KLHL1: variants seen among roughly 807,000 people sequenced by gnomAD.
KLHL1 encodes the protein kelch-like protein 1.
In KLHL1, 47 loss-of-function variants were observed where a neutral mutation model predicts 77.7. The observed-to-expected ratio is 0.60, with a 90% CI of 0.48 to 0.77. KLHL1 has a LOEUF of 0.77. KLHL1 is among the 30% of genes least tolerant of loss of function. The pLI is 0.00. For missense variants in KLHL1, 925 were observed against 910.8 expected (o/e 1.02, Z -0.20); for synonymous variants, 360 against 325.2 (o/e 1.11, Z -1.15).
At chr13:69,711,755 T>G (rs1231902997) in intron 9 of KLHL1, among the ~76,000 whole-genome samples, 1 of 152,106 alleles carries the variant, frequency 6.6e-6, no homozygotes, top group Non-Finnish European at 1.5e-5. Context: ...GAGTGTATAC[T>G]TTGAAGTGTG....
chr13:69,828,703 A>C lies in KLHL1; in HGVS notation c.1414+10273T>G, dbSNP rs1174607599. Among the ~76,000 whole-genome samples the C allele has an allele frequency of 8.0e-5, 12 of 150,176 alleles. 1 individual carries two copies. The highest frequency in any genetic ancestry group is 6.6e-4 in the Admixed American group (10 of 15,056). ...TATCAGCTGCCTGGATATAAACTCC[A>C]GGCTGATGCTGGGACAAGGTGGGAA... On this transcript the variant is annotated intron_variant, in intron 6 of 10. Coordinates refer to ENST00000377844, the MANE Select transcript of KLHL1 (RefSeq NM_020866.3).
chr13:69,729,877 C>A (rs1873463993), intron 8 of KLHL1, among the ~76,000 whole-genome samples: 1 of 152,072 alleles, frequency 6.6e-6, no homozygotes, highest in African/African-American at 2.4e-5. Context: ...GAATTAAAAA[C>A]TTCAAAGAGT....
chr13:70,007,926 A>G (rs1885443346), intron 1 of KLHL1, among the ~76,000 whole-genome samples: 1 of 151,992 alleles, frequency 6.6e-6, no homozygotes, highest in Admixed American at 6.6e-5. Context: ...TCTGGTGTTG[A>G]TCAAAAGCAG....
At chr13:69,730,911 T>C (rs139837998) in intron 8 of KLHL1, among the ~76,000 whole-genome samples, 1 of 152,228 alleles carries the variant, frequency 6.6e-6, no homozygotes, top group East Asian at 1.9e-4. Flanking sequence ...TATTGTAAGT[T>C]TTACTATCCA....
At chr13:69,802,516 A>G (rs1877429027) in intron 6 of KLHL1, among the ~76,000 whole-genome samples, 1 of 152,066 alleles carries the variant, frequency 6.6e-6, no homozygotes, top group Non-Finnish European at 1.5e-5. Flanking sequence ...AATGCAATCC[A>G]CAAGCAGACA....
At position 69,726,758 on chromosome 13, in the gene KLHL1, C is replaced by A. The variant is rs182652704; in HGVS notation, c.1803-7177G>T. Among the ~76,000 whole-genome samples the A allele has an allele frequency of 8.5e-5, 13 of 152,244 alleles. No individual in the cohort carries two copies. The East Asian group carries it at 2.5e-3, about 29-fold the overall frequency. ...ACTGTCAGTTCAACCTTAATCCCTC[C>A]GTGTTTCCTCTGCTCCAACTCTACG... On this transcript the variant is annotated intron_variant, in intron 8 of 10. Coordinates refer to ENST00000377844, the MANE Select transcript of KLHL1 (RefSeq NM_020866.3).
chr13:69,851,026 T>C (rs1266584930), intron 5 of KLHL1, among the ~76,000 whole-genome samples: 5 of 151,794 alleles, frequency 3.3e-5, no homozygotes, highest in Non-Finnish European at 7.4e-5. Flanking sequence ...ATCTTCAACA[T>C]GTTCTGTAAT....
intron 7 of KLHL1, among the ~76,000 whole-genome samples, chr13:69,788,866 CT>C (rs1876706405): frequency 1.3e-5 from 2 of 151,966 alleles, no homozygotes; most frequent in South Asian, 4.2e-4. Context: ...TACAGGGGAC[CT>C]TTTTCTGATT....
intron 5 of KLHL1, among the ~76,000 whole-genome samples, chr13:69,858,133 CA>C (rs1433442562): frequency 6.6e-6 from 1 of 152,060 alleles, no homozygotes; most frequent in East Asian, 1.9e-4. Context: ...CAGCATCTAC[CA>C]CAGGGGACAC....
At chr13:69,945,086 A>T (rs557203953) in intron 3 of KLHL1, among the ~76,000 whole-genome samples, 1 of 146,942 alleles carries the variant, frequency 6.8e-6, no homozygotes, top group African/African-American at 2.5e-5. Context: ...CCCGGGTTCA[A>T]GTGATTCTCC....
intron 1 of KLHL1, among the ~76,000 whole-genome samples, chr13:70,019,044 T>A (rs1226111551): frequency 1.3e-5 from 2 of 152,218 alleles, no homozygotes; most frequent in Admixed American, 6.5e-5. Flanking sequence ...TCATTTAATG[T>A]CAATTATTTC....
intron 5 of KLHL1, among the ~76,000 whole-genome samples, chr13:69,845,707 T>C (rs1040611390): frequency 1.3e-5 from 2 of 151,518 alleles, no homozygotes; most frequent in African/African-American, 4.8e-5. Flanking sequence ...AAAATGATGA[T>C]AAAATTTAAT....
At chr13:69,771,150 T>A (rs1378323533) in intron 7 of KLHL1, among the ~76,000 whole-genome samples, 1 of 152,126 alleles carries the variant, frequency 6.6e-6, no homozygotes, top group African/African-American at 2.4e-5. Context: ...CTTTTCCAAC[T>A]AATCACTGCT....
chr13:69,879,164 C>A (rs2138190571), intron 5 of KLHL1, among the ~76,000 whole-genome samples: 1 of 152,164 alleles, frequency 6.6e-6, no homozygotes. Flanking sequence ...TGTAACAAAC[C>A]TGCACGTTGT....
chr13:69,954,800 T>TACACACACACACAC (rs34668618), intron 3 of KLHL1, among the ~76,000 whole-genome samples: 13 of 149,466 alleles, frequency 8.7e-5, no homozygotes, highest in African/African-American at 2.4e-4. Context: ...CTAAATGTTT[T>TACACACACACACAC]ACACACACAC....
chr13:69,809,691 A>G (rs1026358436), intron 6 of KLHL1, among the ~76,000 whole-genome samples: 1 of 152,136 alleles, frequency 6.6e-6, no homozygotes, highest in African/African-American at 2.4e-5. Context: ...AATCTCAAAT[A>G]TCAATATCAA....
chr13:69,701,954 T>C (rs551993146), intron 10 of KLHL1, among the ~76,000 whole-genome samples, 193 bp from the exon 11 acceptor site: 2 of 151,702 alleles, frequency 1.3e-5, no homozygotes, highest in Non-Finnish European at 3.0e-5. Context: ...ATATTGAAAA[T>C]TTTTAGGCCT....
intron 8 of KLHL1, among the ~76,000 whole-genome samples, chr13:69,731,444 G>A (rs1873538448): frequency 6.6e-6 from 1 of 152,192 alleles, no homozygotes; most frequent in African/African-American, 2.4e-5. Context: ...ACTATAGGCT[G>A]TGTATGATTT....
chr13:70,030,133 A>G lies in KLHL1; in HGVS notation c.498-54331T>C, dbSNP rs536469281. Among the ~76,000 whole-genome samples, 6 of 152,296 alleles carry G rather than the reference A, an allele frequency of 3.9e-5. No individual in the cohort carries two copies. The South Asian group carries it at 1.2e-3, about 32-fold the overall frequency. Reference sequence around the variant, plus strand: ...CCTACGAAGAGACTTAGACTCCCACACAATAATAATGGGAGACTTTAACAC... The same window carrying G: ...CCTACGAAGAGACTTAGACTCCCACGCAATAATAATGGGAGACTTTAACAC... On this transcript the variant is annotated intron_variant, in intron 1 of 10. Transcript: ENST00000377844.
Sources: gnomAD v4.1 joint callset for allele counts (sites outside exome capture counted in the v4.1 genomes callset) on GRCh38, gnomAD v4.1.1 for gene constraint, MANE v1.5 for transcripts, NCBI Gene and HGNC (gene_info 2026-07-23, HGNC 2026-07-21) for gene names.